The following FMN1 variants were observed in gnomAD, a reference collection of about 807,000 sequenced individuals.
FMN1 encodes formin 1, also known as formin-1.
FMN1 carries 110 observed loss-of-function variants against 132.4 expected under a neutral mutation model. The observed-to-expected ratio is 0.83, with a 90% CI of 0.71 to 0.97. The LOEUF (loss-of-function observed/expected upper bound fraction) is 0.97. Among genes scored for constraint, FMN1 ranks in the 50% least tolerant of loss-of-function variants. The probability of loss-of-function intolerance (pLI) is 0.00; values close to 1 mark genes in which losing one functional copy is unlikely to be tolerated. For missense variants in FMN1, 1,792 were observed against 1,705.3 expected, an observed-to-expected ratio of 1.05 and a Z score of -0.90; for synonymous variants, 722 against 651.7, an observed-to-expected ratio of 1.11 and a Z score of -1.64.
At chr15:33,081,095 C>G (rs572514317) in intron 5 of FMN1, among the ~76,000 whole-genome samples, 2 of 152,260 alleles carry the variant, frequency 1.3e-5, no homozygotes, top group East Asian at 3.9e-4. Context: ...GGAGGGTACT[C>G]CACGGCAAAA....
intron 4 of FMN1, among the ~76,000 whole-genome samples, chr15:33,139,128 G>A (rs1364207602): frequency 6.6e-6 from 1 of 152,062 alleles, no homozygotes; most frequent in Non-Finnish European, 1.5e-5. Context: ...ATGTATTTTC[G>A]AGAACTTCAC....
rs561586201 is a variant in FMN1, at chr15:33,079,714, G to C, written c.2043+9085C>G. ...CTGCTTTAAGAATTTGTGATCAGCA[G>C]AAAATAGAAATTCTATTTAAACATG... On this transcript the variant is annotated intron_variant, in intron 5 of 20. Transcript: ENST00000616417. Among the ~76,000 whole-genome samples, 259 of 152,346 alleles carry C rather than the reference G, an allele frequency of 1.7e-3. 1 individual carries two copies. Among genetic ancestry groups the C allele is most frequent in the African/African-American group, 6.0e-3 (250 of 41,574 alleles).
intron 15 of FMN1, among the ~76,000 whole-genome samples, chr15:32,892,071 G>A (rs774087801): frequency 1.3e-5 from 2 of 152,052 alleles, no homozygotes; most frequent in African/African-American, 4.8e-5. Context: ...TGATTGCTCT[G>A]GCTAGGACTT....
chr15:32,895,747 TTTC>T (rs1295041070), intron 15 of FMN1, among the ~76,000 whole-genome samples: 9 of 93,930 alleles, frequency 9.6e-5, no homozygotes, highest in Non-Finnish European at 1.8e-4. Context: ...GAAAGTTTTT[TTTC>T]TTGTTAATTC....
chr15:33,125,343 A>G (rs1164489533), intron 4 of FMN1, among the ~76,000 whole-genome samples: 2 of 152,228 alleles, frequency 1.3e-5, no homozygotes, highest in African/African-American at 4.8e-5. Context: ...ATCATTTAGG[A>G]AAATAGTTTC....
chr15:33,097,943 A>T (rs1306534526), intron 4 of FMN1, among the ~76,000 whole-genome samples: 1 of 152,266 alleles, frequency 6.6e-6, no homozygotes, highest in Non-Finnish European at 1.5e-5. Context: ...CAGTAACTGT[A>T]GAATATGTAT....
In FMN1 at chr15:32,901,921, C is replaced by T. The variant is rs1409120177; in HGVS notation, c.3497G>A (p.Arg1166Gln). The T allele has an allele frequency of 1.1e-5, 18 of 1,607,418 alleles. No homozygotes were observed. The highest frequency in any genetic ancestry group is 1.4e-5 in the Non-Finnish European group (17 of 1,177,768). The change falls in exon 13 of 21, where the codon CGA (arginine) becomes CAA (glutamine). Residue 1166 changes from arginine to glutamine, a missense_variant. Arg to Gln is a conservative substitution (Grantham distance 43). This residue lies in a region of FMN1 where 1,150 missense variants were observed against 1,043.1 expected (regional missense o/e 1.10). Coordinates refer to ENST00000616417, the MANE Select transcript of FMN1 (RefSeq NM_001277313.2). ...AGACAGTAAACATACCTTAGAAGCT[C>T]GCGTGATGATCTCTACCTTTCTGTG... ...SLHRKVEIIT[R>Q]ASKDLLHVKS...
intron 7 of FMN1, among the ~76,000 whole-genome samples, chr15:33,003,971 T>A (rs1456591163): frequency 2.6e-5 from 4 of 151,958 alleles, no homozygotes; most frequent in African/African-American, 9.7e-5. Flanking sequence ...TAAATGGTGC[T>A]GGGAAAACTG....
chr15:32,798,971 GAAA>G lies in FMN1; in HGVS notation c.3981-21_3981-19del. On this transcript the variant is annotated intron_variant, in intron 18 of 20. Coordinates refer to ENST00000616417, the MANE Select transcript of FMN1 (RefSeq NM_001277313.2). ...TTTCAAAACTGCAACAGGTAGGGGGGAAAATGGAATGAGGTAGAGGTGAGAAAT... is the reference window on the plus strand; with the variant it reads ...TTTCAAAACTGCAACAGGTAGGGGGGATGGAATGAGGTAGAGGTGAGAAAT... 5.6e-6 allele frequency: 9 copies of G among 1,611,222 alleles called. No individual in the cohort carries two copies. Among genetic ancestry groups the G allele is most frequent in the Non-Finnish European group, 7.6e-6 (9 of 1,178,852 alleles).
At chr15:33,000,326 GTA>G (rs1333868035) in intron 7 of FMN1, among the ~76,000 whole-genome samples, 1 of 152,030 alleles carries the variant, frequency 6.6e-6, no homozygotes, top group African/African-American at 2.4e-5. Flanking sequence ...GCGGCCGCCT[GTA>G]GTCCCAGCTA....
At chr15:33,142,393 A>G (rs894117214) in intron 4 of FMN1, among the ~76,000 whole-genome samples, 10 of 152,188 alleles carry the variant, frequency 6.6e-5, no homozygotes, top group African/African-American at 2.4e-4. Flanking sequence ...AAATTTAACA[A>G]GCTGTGATTC....
chr15:33,044,447 C>T (rs192120313), intron 6 of FMN1, among the ~76,000 whole-genome samples: 142 of 152,216 alleles, frequency 9.3e-4, no homozygotes, highest in Middle Eastern at 6.8e-3. Context: ...TCCTCTCCTC[C>T]GAAGCCCATA....
At chr15:32,993,402 G>C (rs1359636560) in intron 7 of FMN1, among the ~76,000 whole-genome samples, 1 of 152,084 alleles carries the variant, frequency 6.6e-6, no homozygotes, top group Non-Finnish European at 1.5e-5. Flanking sequence ...GCCATATATA[G>C]TTTTAAAACA....
chr15:32,892,263 AAAGG>A (rs2141525438), intron 15 of FMN1, among the ~76,000 whole-genome samples: 1 of 152,316 alleles, frequency 6.6e-6, no homozygotes, highest in South Asian at 2.1e-4. Flanking sequence ...TTTTAATCAT[AAAGG>A]AATGCTGGAT....
intron 4 of FMN1, among the ~76,000 whole-genome samples, chr15:33,128,755 G>C (rs569846629): frequency 1.3e-5 from 2 of 152,194 alleles, no homozygotes; most frequent in Admixed American, 1.3e-4. Flanking sequence ...GAATTTTAAA[G>C]CCCTTAAAAG....
chr15:33,139,188 G>A (rs541219301), intron 4 of FMN1, among the ~76,000 whole-genome samples: 7 of 152,290 alleles, frequency 4.6e-5, no homozygotes, highest in African/African-American at 1.7e-4. Flanking sequence ...GCACTGAAAT[G>A]GAGTTGTGTA....
In FMN1 at chr15:32,840,383, C is replaced by T. The variant is rs1479934589; in HGVS notation, c.3928+16632G>A. The stretch of plus-strand genomic sequence containing the variant: ...GATATTATTTGAATATCTAGCTCCA[C>T]GCAGCTCTATTTTTCCCTTCTCACT... On this transcript the variant is annotated intron_variant, in intron 17 of 20. Coordinates refer to ENST00000616417, the MANE Select transcript of FMN1 (RefSeq NM_001277313.2). Among the ~76,000 whole-genome samples the T allele has an allele frequency of 2.6e-5, 4 of 152,140 alleles. No homozygotes were observed. The South Asian group carries it at 6.2e-4, about 24-fold the overall frequency.
intron 17 of FMN1, among the ~76,000 whole-genome samples, chr15:32,809,696 C>T (rs1174453598): frequency 1.3e-5 from 2 of 152,194 alleles, no homozygotes; most frequent in East Asian, 3.9e-4. Flanking sequence ...CTCTGAGGGG[C>T]CCTCCATGCC....
intron 7 of FMN1, among the ~76,000 whole-genome samples, chr15:32,991,158 C>T (rs1167704226): frequency 6.6e-6 from 1 of 152,126 alleles, no homozygotes; most frequent in Non-Finnish European, 1.5e-5. Flanking sequence ...CATTTATAGC[C>T]CATAGACAAA....
Sources: gnomAD v4.1 joint callset for allele counts (sites outside exome capture counted in the v4.1 genomes callset) on GRCh38, gnomAD v4.1.1 for gene constraint, gnomAD v4.1.1 regional missense constraint, MANE v1.5 for transcripts, NCBI Gene and HGNC (gene_info 2026-07-23, HGNC 2026-07-21) for gene names.